DPP6: variants seen among roughly 807,000 people sequenced by gnomAD.
DPP6 encodes the protein A-type potassium channel modulatory protein DPP6.
DPP6 carries 69 observed loss-of-function variants against 122.6 expected under a neutral mutation model. That is an observed-to-expected ratio of 0.56 (90% CI 0.46 to 0.69). The LOEUF (loss-of-function observed/expected upper bound fraction) is 0.69, where lower values mean the gene tolerates loss of function less well. DPP6 is among the 30% of genes least tolerant of loss of function. The probability of loss-of-function intolerance (pLI) is 0.00; values close to 1 mark genes in which losing one functional copy is unlikely to be tolerated. For missense variants in DPP6, 928 were observed against 1,116.9 expected, an observed-to-expected ratio of 0.83 and a Z score of 2.41; for synonymous variants, 418 against 433.1, an observed-to-expected ratio of 0.97 and a Z score of 0.43.
chr7:154,715,113 C>T (rs1184731366), intron 7 of DPP6, among the ~76,000 whole-genome samples: 2 of 151,976 alleles, frequency 1.3e-5, no homozygotes, highest in African/African-American at 4.8e-5. Context: ...GTTGCCCAGG[C>T]TGGAGTGCCA....
chr7:154,233,882 A>G (rs1240889515), intron 1 of DPP6, among the ~76,000 whole-genome samples: 1 of 152,244 alleles, frequency 6.6e-6, no homozygotes, highest in Non-Finnish European at 1.5e-5. Flanking sequence ...TGCATGCACA[A>G]CAGGTATGAT....
At chr7:154,270,195 G>A (rs10274025) in intron 1 of DPP6, among the ~76,000 whole-genome samples, 21,836 of 152,076 alleles carry the variant, frequency 0.14, 2,125 homozygotes, top group African/African-American at 0.28. Flanking sequence ...ATCATTAAGC[G>A]TATTTAATCG....
chr7:154,335,726 G>A (rs1034269934), intron 1 of DPP6, among the ~76,000 whole-genome samples: 7 of 152,126 alleles, frequency 4.6e-5, no homozygotes, highest in African/African-American at 1.4e-4. Context: ...TGACTGATGC[G>A]CTGTGTTCTA....
chr7:154,820,918 T>TAA (rs1404496126), intron 16 of DPP6, among the ~76,000 whole-genome samples: 5 of 152,222 alleles, frequency 3.3e-5, no homozygotes, highest in African/African-American at 1.2e-4. Flanking sequence ...AGAAATTATA[T>TAA]AAGATTACAG....
chr7:154,787,399 C>T (rs576174660), intron 10 of DPP6, among the ~76,000 whole-genome samples: 1 of 152,240 alleles, frequency 6.6e-6, no homozygotes, highest in Non-Finnish European at 1.5e-5. Context: ...TTTGGAATGA[C>T]ATCTTTATTA....
chr7:153,855,178 T>C, the DPP6 span, among the ~76,000 whole-genome samples: 1 of 150,612 alleles, frequency 6.6e-6, no homozygotes, highest in African/African-American at 2.4e-5. Context: ...GCATGGCACA[T>C]GTATACATAT....
intron 1 of DPP6, among the ~76,000 whole-genome samples, chr7:154,225,046 G>A (rs112486877): frequency 0.047 from 7,198 of 152,186 alleles, 552 homozygotes; most frequent in African/African-American, 0.16. Context: ...GGAGGCTGAG[G>A]CAGGAGAATT....
chr7:154,680,692 T>A (rs36005559), intron 7 of DPP6, among the ~76,000 whole-genome samples: 1 of 106,026 alleles, frequency 9.4e-6, no homozygotes. Flanking sequence ...ATATATTTTT[T>A]TTAAAAAAAA....
At chr7:153,975,648 T>G (rs1796266368) in intron 1 of DPP6, among the ~76,000 whole-genome samples, 1 of 151,978 alleles carries the variant, frequency 6.6e-6, no homozygotes, top group Middle Eastern at 3.4e-3. Flanking sequence ...TTGGTCAAAA[T>G]AAGAATGTTA....
chr7:154,126,236 TTTGG>T (rs1394985714), intron 1 of DPP6, among the ~76,000 whole-genome samples: 7 of 152,080 alleles, frequency 4.6e-5, no homozygotes, highest in East Asian at 1.9e-4. Flanking sequence ...AACTTAGCAT[TTTGG>T]TTGGTTGGTT....
intron 1 of DPP6, among the ~76,000 whole-genome samples, chr7:153,938,341 G>A (rs770007782): frequency 6.6e-6 from 1 of 152,178 alleles, no homozygotes; most frequent in South Asian, 2.1e-4. Context: ...GAAAAGGTGC[G>A]TAAGGAATCT....
In DPP6 at chr7:154,875,915, C is replaced by T; in HGVS notation, c.1893C>T (p.Thr631=). 1 of 1,610,232 alleles carries T rather than the reference C, an allele frequency of 6.2e-7. No homozygotes were observed. Among genetic ancestry groups the T allele is most frequent in the East Asian group, 2.2e-5 (1 of 44,688 alleles). ...GGGATTCTCTTTCCAGGGATGGCACCCCAGGCAGCCAGAGTGTGGCTGAGA... is the reference window on the plus strand; with the variant it reads ...GGGATTCTCTTTCCAGGGATGGCACTCCAGGCAGCCAGAGTGTGGCTGAGA... ...HYPLLLVVDG[T]PGSQSVAEKF... Residue 631 remains threonine (T), a synonymous_variant, in exon 20 of 26, where the codon ACC becomes ACT. Transcript: ENST00000377770. The surrounding 1 kb of genome is among the most constrained non-coding windows in gnomAD (Gnocchi z 4.5).
At chr7:154,464,307 C>T (rs769433293) in intron 2 of DPP6, among the ~76,000 whole-genome samples, 11 of 152,204 alleles carry the variant, frequency 7.2e-5, no homozygotes, top group Non-Finnish European at 1.6e-4. Flanking sequence ...AGATTCTCTG[C>T]CACACAACTG....
chr7:154,258,868 C>T (rs1218811385), intron 1 of DPP6, among the ~76,000 whole-genome samples: 2 of 152,076 alleles, frequency 1.3e-5, no homozygotes, highest in Admixed American at 6.5e-5. Context: ...TAGTAAAAAT[C>T]GGTAGCATAG....
chr7:154,232,766 T>A (rs1585693112), intron 1 of DPP6, among the ~76,000 whole-genome samples: 1 of 152,204 alleles, frequency 6.6e-6, no homozygotes, highest in East Asian at 1.9e-4. Context: ...TTCCTCTAGC[T>A]ATATTTGTGT....
At chr7:154,349,651 T>C (rs935708921) in intron 1 of DPP6, among the ~76,000 whole-genome samples, 4 of 152,230 alleles carry the variant, frequency 2.6e-5, no homozygotes, top group Non-Finnish European at 4.4e-5. Context: ...TTGTGAATTA[T>C]ATGCATTTTA....
At chr7:154,509,331 A>T (rs183396533) in intron 3 of DPP6, among the ~76,000 whole-genome samples, 1 of 152,242 alleles carries the variant, frequency 6.6e-6, no homozygotes. Flanking sequence ...ATCTGAGGAG[A>T]CATATCTCCA....
At chr7:154,295,954 T>A (rs1271300996) in intron 1 of DPP6, among the ~76,000 whole-genome samples, 1 of 149,664 alleles carries the variant, frequency 6.7e-6, no homozygotes, top group East Asian at 2.0e-4. Context: ...CTTTTTTTTT[T>A]TTTTTTTTGA....
chr7:154,663,262 G>A (rs6968241), intron 6 of DPP6, among the ~76,000 whole-genome samples: 12,643 of 40,738 alleles, frequency 0.31, 3,084 homozygotes, highest in East Asian at 0.73. Flanking sequence ...CGTATTGGCC[G>A]TAGTGTTCAT....
Sources: allele counts gnomAD v4.1 joint callset (sites outside exome capture counted in the v4.1 genomes callset), GRCh38; gene constraint gnomAD v4.1.1; non-coding constraint Gnocchi (gnomAD v3.1); transcripts MANE v1.5; gene names NCBI Gene and HGNC (gene_info 2026-07-23, HGNC 2026-07-21).